Variants in OXR1 observed in about 807,000 individuals in gnomAD.
OXR1 encodes oxidation resistance 1.
In OXR1, 41 loss-of-function variants were observed where a neutral mutation model predicts 104.6. The ratio of observed to expected loss-of-function variants is 0.39; its 90% CI spans 0.31 to 0.51. OXR1 has a LOEUF of 0.51. Among genes scored for constraint, OXR1 ranks in the 20% least tolerant of loss-of-function variants. The pLI is 0.77. For synonymous variants in OXR1, 348 were observed against 348.4 expected, an observed-to-expected ratio of 1.00 and a Z score of 0.01; for missense variants, 955 against 1,031.9, an observed-to-expected ratio of 0.93 and a Z score of 1.02.
chr8:106,524,289 T>C (rs1179938301), intron 3 of OXR1, among the ~76,000 whole-genome samples: 1 of 152,172 alleles, frequency 6.6e-6, no homozygotes, highest in Non-Finnish European at 1.5e-5. Flanking sequence ...TGAAAAATAT[T>C]GTAAATTAAG....
intron 3 of OXR1, among the ~76,000 whole-genome samples, chr8:106,622,488 C>G (rs1316847363): frequency 1.3e-5 from 2 of 151,214 alleles, no homozygotes; most frequent in Non-Finnish European, 1.5e-5. Context: ...CACACACACC[C>G]CTTACTTCAT....
chr8:106,419,085 G>A (rs1818797275), intron 2 of OXR1, among the ~76,000 whole-genome samples: 1 of 152,072 alleles, frequency 6.6e-6, no homozygotes, highest in African/African-American at 2.4e-5. Context: ...TGACTCCATT[G>A]AAATGTCAAA....
At chr8:106,664,033 G>C (rs1345714219) in intron 3 of OXR1, among the ~76,000 whole-genome samples, 1 of 152,200 alleles carries the variant, frequency 6.6e-6, no homozygotes, top group Admixed American at 6.5e-5. Flanking sequence ...CCTAAAGCCG[G>C]ATGGGAGGAA....
chr8:106,399,455 C>T (rs1213602372), intron 2 of OXR1, among the ~76,000 whole-genome samples: 6 of 152,054 alleles, frequency 3.9e-5, no homozygotes, highest in African/African-American at 1.4e-4. Flanking sequence ...TGCTAGCTAC[C>T]TCATCCAATA....
At chr8:106,482,858 T>A (rs1822219833) in intron 2 of OXR1, among the ~76,000 whole-genome samples, 1 of 150,656 alleles carries the variant, frequency 6.6e-6, no homozygotes, top group Non-Finnish European at 1.5e-5. Context: ...AAAATTTAGA[T>A]CAATTTTTTT....
chr8:106,392,942 T>C (rs561610065), intron 2 of OXR1, among the ~76,000 whole-genome samples: 1 of 152,292 alleles, frequency 6.6e-6, no homozygotes, highest in African/African-American at 2.4e-5. Flanking sequence ...ATACGCAGCT[T>C]CAAAACAATT....
intron 3 of OXR1, among the ~76,000 whole-genome samples, chr8:106,539,568 C>A (rs1339010873): frequency 6.6e-6 from 1 of 151,950 alleles, no homozygotes; most frequent in Admixed American, 6.6e-5. Context: ...ATTAGAAAAA[C>A]CAAAAGAAAA....
intron 16 of OXR1, among the ~76,000 whole-genome samples, chr8:106,748,315 G>A (rs890972420): frequency 2.0e-5 from 3 of 152,102 alleles, no homozygotes; most frequent in Non-Finnish European, 4.4e-5. Context: ...ATATAGTTTT[G>A]CAGTGCTTCT....
intron 6 of OXR1, among the ~76,000 whole-genome samples, chr8:106,690,445 G>T (rs913611385): frequency 1.3e-5 from 2 of 150,898 alleles, no homozygotes; most frequent in Admixed American, 6.6e-5. Context: ...AAATTTTATG[G>T]TTAGTATCTG....
At chr8:106,621,359 G>A (rs1432324355) in intron 3 of OXR1, among the ~76,000 whole-genome samples, 1 of 152,058 alleles carries the variant, frequency 6.6e-6, no homozygotes, top group Non-Finnish European at 1.5e-5. Flanking sequence ...ACTGAGGTGA[G>A]AGGATTGCTT....
intron 1 of OXR1, among the ~76,000 whole-genome samples, chr8:106,289,921 TTGAC>T (rs376147886): frequency 2.1e-4 from 32 of 152,272 alleles, no homozygotes; most frequent in African/African-American, 6.7e-4. Context: ...ACTTTCCCCT[TTGAC>T]TGGCACTTCT....
At chr8:106,511,863 A>G (rs1812554350) in intron 2 of OXR1, among the ~76,000 whole-genome samples, 1 of 152,102 alleles carries the variant, frequency 6.6e-6, no homozygotes, top group Non-Finnish European at 1.5e-5. Flanking sequence ...CAGCTTTTCT[A>G]CTTTCTAGTT....
At chr8:106,412,578 C>T (rs1818500587) in intron 2 of OXR1, among the ~76,000 whole-genome samples, 1 of 146,818 alleles carries the variant, frequency 6.8e-6, no homozygotes, top group South Asian at 2.3e-4. Context: ...TCCGGAACAA[C>T]CATTATCATT....
In OXR1 at chr8:106,582,177, C is replaced by CATATATATATATATAT. The variant is rs71562108; in HGVS notation, c.220+63049_220+63064dup. Among the ~76,000 whole-genome samples, 715 of 119,198 alleles carry CATATATATATATATAT rather than the reference C, an allele frequency of 6.0e-3. 21 individuals carry two copies. The highest frequency in any genetic ancestry group is 0.024 in the African/African-American group (612 of 25,848). The allele number at this position is 119,198 out of a possible 152,430, so 78.2% of individuals were successfully genotyped here. A position where few individuals can be genotyped will look rare whatever the true frequency, so the allele number is the denominator to read the frequency against. On this transcript the variant is annotated intron_variant, in intron 3 of 16. Transcript: ENST00000517566. ...AGCAAGACAGATTTTTTTCTATTGA[C>CATATATATATATATAT]ATATATATATATATATATATATATA...
chr8:106,530,560 GA>G (rs1814019527), intron 3 of OXR1, among the ~76,000 whole-genome samples: 1 of 152,156 alleles, frequency 6.6e-6, no homozygotes, highest in Admixed American at 6.6e-5. Context: ...TATGAGAATG[GA>G]AAAATAGGTA....
intron 2 of OXR1, among the ~76,000 whole-genome samples, chr8:106,432,250 A>G (rs1021983509): frequency 6.6e-6 from 1 of 152,134 alleles, no homozygotes; most frequent in Non-Finnish European, 1.5e-5. Context: ...CCCAGCAGCC[A>G]GATTGATCCT....
intron 1 of OXR1, among the ~76,000 whole-genome samples, chr8:106,323,874 G>C (rs1156688393): frequency 1.3e-5 from 2 of 152,124 alleles, no homozygotes; most frequent in Non-Finnish European, 2.9e-5. Flanking sequence ...ATGCTGGCGA[G>C]GTTGTGGAGA....
At chr8:106,568,889 A>G (rs1817267629) in intron 3 of OXR1, among the ~76,000 whole-genome samples, 1 of 152,134 alleles carries the variant, frequency 6.6e-6, no homozygotes, top group African/African-American at 2.4e-5. Flanking sequence ...TTCTAACTAC[A>G]TGTAAACATT....
intron 3 of OXR1, among the ~76,000 whole-genome samples, chr8:106,573,456 A>G (rs975113980): frequency 2.4e-4 from 36 of 152,312 alleles, no homozygotes; most frequent in Non-Finnish European, 8.8e-5. Flanking sequence ...TGCCAAAAGC[A>G]GAGATGCTGT....
Sources: allele counts gnomAD v4.1 joint callset (sites outside exome capture counted in the v4.1 genomes callset), GRCh38; gene constraint gnomAD v4.1.1; transcripts MANE v1.5; gene names NCBI Gene and HGNC (gene_info 2026-07-23, HGNC 2026-07-21).